EYS: variants seen among roughly 807,000 people sequenced by gnomAD.
EYS encodes EGF-like photoreceptor maintenance factor.
EYS carries 250 observed loss-of-function variants against 282.1 expected under a neutral mutation model. The ratio of observed to expected loss-of-function variants is 0.89; its 90% CI spans 0.80 to 0.98. The LOEUF (loss-of-function observed/expected upper bound fraction) is 0.98, where lower values mean the gene tolerates loss of function less well. EYS is among the 50% of genes least tolerant of loss of function. The probability of loss-of-function intolerance (pLI) is 0.00; values close to 1 mark genes in which losing one functional copy is unlikely to be tolerated. For synonymous variants in EYS, 1,355 were observed against 1,282.9 expected, an observed-to-expected ratio of 1.06 and a Z score of -1.20; for missense variants, 4,016 against 3,709.0, an observed-to-expected ratio of 1.08 and a Z score of -2.15.
At chr6:65,627,477 G>A (rs1396188477) in intron 2 of EYS, among the ~76,000 whole-genome samples, 1 of 152,134 alleles carries the variant, frequency 6.6e-6, no homozygotes, top group Non-Finnish European at 1.5e-5. Flanking sequence ...CCCCTTTCTG[G>A]GCTGGCCAAG....
At chr6:65,521,383 T>A (rs1227477282) in intron 2 of EYS, among the ~76,000 whole-genome samples, 2 of 152,194 alleles carry the variant, frequency 1.3e-5, no homozygotes, top group Non-Finnish European at 2.9e-5. Flanking sequence ...ATGCTTGTTC[T>A]TATCCCACAA....
At chr6:65,564,796 G>A (rs1769209295) in intron 2 of EYS, among the ~76,000 whole-genome samples, 1 of 151,996 alleles carries the variant, frequency 6.6e-6, no homozygotes, top group African/African-American at 2.4e-5. Flanking sequence ...TTAAACTAAA[G>A]AGCTTCTGCA....
At chr6:64,714,264 T>A (rs190316548) in intron 22 of EYS, among the ~76,000 whole-genome samples, 1 of 152,258 alleles carries the variant, frequency 6.6e-6, no homozygotes, top group East Asian at 1.9e-4. Context: ...ACTGGGTGAT[T>A]ATATTAATAA....
chr6:63,865,724 C>T (rs1297842543), intron 35 of EYS, among the ~76,000 whole-genome samples: 1 of 152,116 alleles, frequency 6.6e-6, no homozygotes, highest in Non-Finnish European at 1.5e-5. Flanking sequence ...CTTTGAATCC[C>T]CTTACTCCAA....
chr6:64,897,601 G>T (rs1583273089), intron 18 of EYS, among the ~76,000 whole-genome samples: 1 of 152,208 alleles, frequency 6.6e-6, no homozygotes, highest in Admixed American at 6.5e-5. Context: ...GATGGAGAAT[G>T]AGTTTGACGA....
intron 29 of EYS, among the ~76,000 whole-genome samples, chr6:64,387,714 C>A (rs530209354): frequency 3.4e-4 from 51 of 152,200 alleles, no homozygotes; most frequent in African/African-American, 1.2e-3. Flanking sequence ...GAAAAAGTCA[C>A]AAATATCTGT....
intron 35 of EYS, among the ~76,000 whole-genome samples, chr6:63,912,540 G>C (rs1436187468): frequency 6.6e-6 from 1 of 152,106 alleles, no homozygotes; most frequent in African/African-American, 2.4e-5. Flanking sequence ...ACTCAATTCA[G>C]ACTAGCCAAA....
intron 22 of EYS, among the ~76,000 whole-genome samples, chr6:64,651,191 G>A (rs1450444616): frequency 1.3e-5 from 2 of 152,048 alleles, no homozygotes; most frequent in African/African-American, 2.4e-5. Context: ...CTTACAGAAA[G>A]GATAGAATGG....
At chr6:64,547,842 G>A (rs137985346) in intron 26 of EYS, among the ~76,000 whole-genome samples, 1,526 of 152,294 alleles carry the variant, frequency 0.01, 19 homozygotes, top group African/African-American at 0.035. Context: ...CAGGCATGGC[G>A]GGCTACAGGT....
At chr6:65,013,654 T>C (rs186395658) in intron 13 of EYS, among the ~76,000 whole-genome samples, 3 of 152,108 alleles carry the variant, frequency 2.0e-5, no homozygotes, top group Admixed American at 1.3e-4. Flanking sequence ...GGTGGGAGGA[T>C]TGTTTGAGGC....
At chr6:64,939,570 G>T (rs1039546104) in intron 15 of EYS, among the ~76,000 whole-genome samples, 1 of 151,884 alleles carries the variant, frequency 6.6e-6, no homozygotes, top group African/African-American at 2.4e-5. Context: ...TTAATACCAT[G>T]TTGGACAATA....
At chr6:64,321,270 A>T (rs1770210931) in intron 29 of EYS, among the ~76,000 whole-genome samples, 1 of 151,662 alleles carries the variant, frequency 6.6e-6, no homozygotes, top group African/African-American at 2.4e-5. Context: ...AATTTACTTT[A>T]TTGCTCTCCT....
chr6:65,227,715 C>T (rs748993782), intron 12 of EYS, among the ~76,000 whole-genome samples: 1 of 151,748 alleles, frequency 6.6e-6, no homozygotes, highest in Non-Finnish European at 1.5e-5. Flanking sequence ...TGTGGTATAG[C>T]CATAAAATGG....
intron 29 of EYS, among the ~76,000 whole-genome samples, chr6:64,345,680 C>T (rs1183004333): frequency 6.6e-6 from 1 of 152,032 alleles, no homozygotes; most frequent in Non-Finnish European, 1.5e-5. Context: ...GCAATGGCAA[C>T]AAAAGCCAAA....
chr6:65,202,918 G>T (rs529175260), intron 12 of EYS, among the ~76,000 whole-genome samples: 1 of 152,256 alleles, frequency 6.6e-6, no homozygotes, highest in African/African-American at 2.4e-5. Flanking sequence ...CATGAGGCCT[G>T]AGAGCTTCCA....
rs904350568 is a variant in EYS, at chr6:64,100,497, A to AT, written c.6425-18496dup. Among the ~76,000 whole-genome samples, 201 of 147,114 alleles carry AT rather than the reference A, an allele frequency of 1.4e-3. 2 individuals carry two copies. The highest frequency in any genetic ancestry group is 4.1e-3 in the African/African-American group (166 of 40,182). On this transcript the variant is annotated intron_variant, in intron 31 of 42. Coordinates refer to ENST00000503581, the MANE Select transcript of EYS (RefSeq NM_001142800.2). ...CCTTTGGAGTATAATGCTGCTGTTT[A>AT]TTTTTTTTTTCCACAGCATTTTGCC... is the stretch of plus-strand genomic sequence containing the variant.
At chr6:64,023,655 G>T (rs966319461) in intron 33 of EYS, among the ~76,000 whole-genome samples, 1 of 152,208 alleles carries the variant, frequency 6.6e-6, no homozygotes, top group African/African-American at 2.4e-5. Flanking sequence ...CACCTCCTTT[G>T]CCTGGGCTCC....
intron 19 of EYS, among the ~76,000 whole-genome samples, chr6:64,840,692 T>C (rs944333121): frequency 2.0e-5 from 3 of 152,078 alleles, no homozygotes; most frequent in Non-Finnish European, 4.4e-5. Flanking sequence ...TATTTTACTA[T>C]AAGAAAAAAG....
rs1446054086 is a variant in EYS, at chr6:65,344,119, G to C, written c.1518C>G (p.Asn506Lys). The C allele has an allele frequency of 6.2e-7, 1 of 1,610,172 alleles. No homozygotes were observed. Among genetic ancestry groups the C allele is most frequent in the African/African-American group, 1.3e-5 (1 of 74,672 alleles). Residue 506 changes from asparagine (N) to lysine (K), a missense_variant, in exon 10 of 43, where the codon AAC becomes AAG. Physicochemically the swap from Asn to Lys is moderately conservative, Grantham distance 94. Transcript: ENST00000503581. ...VIDAYFFLAANCTEDATYVND... is the reference protein window; with the variant it reads ...VIDAYFFLAAKCTEDATYVND... ...TCACATAGGTTGCATCTTCAGTGCA[G>C]TTTGCAGCCAGAAAGAAATAGGCAT... is the stretch of plus-strand genomic sequence containing the variant.
Sources: allele counts gnomAD v4.1 joint callset (sites outside exome capture counted in the v4.1 genomes callset), GRCh38; gene constraint gnomAD v4.1.1; transcripts MANE v1.5; gene names NCBI Gene and HGNC (gene_info 2026-07-23, HGNC 2026-07-21).